WDR86: variants seen among roughly 807,000 people sequenced by gnomAD.
WDR86 encodes the protein WD repeat domain 86, also known as WD repeat-containing protein 86.
A neutral mutation model predicts 36.5 loss-of-function variants in WDR86; 30 were observed. The observed-to-expected ratio is 0.82, with a 90% CI of 0.61 to 1.11. WDR86 has a LOEUF of 1.11. WDR86 is among the 50% of genes most tolerant of loss of function. The probability of loss-of-function intolerance (pLI) is 0.00; values close to 1 mark genes in which losing one functional copy is unlikely to be tolerated. For missense variants in WDR86, 545 were observed against 561.2 expected, an observed-to-expected ratio of 0.97 and a Z score of 0.29; for synonymous variants, 255 against 252.9, an observed-to-expected ratio of 1.01 and a Z score of -0.08.
At chr7:151,373,067 AG>A (rs1798034498), downstream of WDR86, among the ~76,000 whole-genome samples, 1 of 152,058 alleles carries the variant, frequency 6.6e-6, no homozygotes, top group Non-Finnish European at 1.5e-5. Flanking sequence ...CTAAGAGATG[AG>A]GCCGCTTTCC....
At chr7:151,394,478 G>C (rs1047487452) in intron 3 of WDR86, among the ~76,000 whole-genome samples, 24 of 152,354 alleles carry the variant, frequency 1.6e-4, no homozygotes, top group African/African-American at 5.8e-4. Flanking sequence ...AGCATCAGGT[G>C]CTGGTAGCAA....
chr7:151,404,330 G>A (rs904418200), intron 1 of WDR86, among the ~76,000 whole-genome samples: 13 of 152,176 alleles, frequency 8.5e-5, no homozygotes, highest in Non-Finnish European at 1.0e-4. Flanking sequence ...GGCCCACAGC[G>A]TTCAGGGTTC....
At chr7:151,376,571 G>A, downstream of WDR86, 1 of 1,473,768 alleles carries the variant, frequency 6.8e-7, no homozygotes, top group Admixed American at 2.0e-5. Context: ...CACTCGTATG[G>A]CTGACGGGGG....
downstream of WDR86, among the ~76,000 whole-genome samples, chr7:151,379,904 G>A (rs1798471463): frequency 6.6e-6 from 1 of 151,614 alleles, no homozygotes; most frequent in African/African-American, 2.4e-5. Flanking sequence ...CTCAGGGCCG[G>A]CCGGCAGCAC....
chr7:151,373,543 G>A (rs1277473011), downstream of WDR86, among the ~76,000 whole-genome samples: 2 of 152,200 alleles, frequency 1.3e-5, no homozygotes, highest in Non-Finnish European at 2.9e-5. Flanking sequence ...TGTGGGTTCC[G>A]AATGGAATGA....
At chr7:151,393,362 T>C (rs1040467827) in intron 3 of WDR86, among the ~76,000 whole-genome samples, 14 of 152,152 alleles carry the variant, frequency 9.2e-5, no homozygotes, top group African/African-American at 3.1e-4. Flanking sequence ...TTCCTGACTC[T>C]CTGCCAGGAC....
In WDR86 at chr7:151,388,525, C is replaced by T. The variant is rs1799156666; in HGVS notation, c.727-3302G>A. Reference sequence around the variant, plus strand: ...TGGGTTTGTCGCTTAGAAGCAGGTCCTCACACCATCTCTGGCCCGACCCTC... The same window carrying T: ...TGGGTTTGTCGCTTAGAAGCAGGTCTTCACACCATCTCTGGCCCGACCCTC... On this transcript the variant is annotated intron_variant, in intron 3 of 5. Coordinates refer to ENST00000334493, the MANE Select transcript of WDR86 (RefSeq NM_198285.3). The surrounding 1 kb of genome is among the most constrained non-coding windows in gnomAD (Gnocchi z 4.2). Among the ~76,000 whole-genome samples, 1 of 152,208 alleles carries T rather than the reference C, an allele frequency of 6.6e-6. No individual in the cohort carries two copies. The highest frequency in any genetic ancestry group is 2.4e-5 in the African/African-American group (1 of 41,456).
Position 151,381,226 on chromosome 7 carries a change from T to A in WDR86, c.*356A>T. ...GTGGCTTCTGTAAAAAGTCACTTCCTCTCAGCAGGAAAGGCCCAGTTTCGT... is the reference window on the plus strand; with the variant it reads ...GTGGCTTCTGTAAAAAGTCACTTCCACTCAGCAGGAAAGGCCCAGTTTCGT... On this transcript the variant is annotated 3_prime_UTR_variant, in exon 6 of 6. Transcript: ENST00000334493. This position sits in a 1 kb window ranked among gnomAD's most constrained non-coding sequence, Gnocchi z 4.8. 1 of 1,278,070 alleles carries A rather than the reference T, an allele frequency of 7.8e-7. No individual in the cohort carries two copies. The highest frequency in any genetic ancestry group is 9.8e-7 in the Non-Finnish European group (1 of 1,016,348). 79.2% of individuals were successfully genotyped at this position (1,278,070 alleles called of 1,614,324 possible).
chr7:151,379,497 C>G (rs566929765), downstream of WDR86, among the ~76,000 whole-genome samples: 3 of 152,210 alleles, frequency 2.0e-5, no homozygotes, highest in East Asian at 5.8e-4. Flanking sequence ...CATAGCAAGG[C>G]GACAGTGGTG....
At chr7:151,386,684 C>T (rs1202212391) in intron 3 of WDR86, among the ~76,000 whole-genome samples, 1 of 152,168 alleles carries the variant, frequency 6.6e-6, no homozygotes, top group Non-Finnish European at 1.5e-5. Flanking sequence ...ACAAATGGAC[C>T]TTCCTGAGCC....
At chr7:151,408,619 C>T (rs1800921635) in intron 1 of WDR86, 2 of 261,788 alleles carry the variant, frequency 7.6e-6, no homozygotes, top group South Asian at 9.1e-5. Context: ...GAAAAGCCCG[C>T]GGTGATAAAG....
intron 1 of WDR86, among the ~76,000 whole-genome samples, chr7:151,402,506 G>A (rs1800415747): frequency 6.6e-6 from 1 of 152,214 alleles, no homozygotes; most frequent in African/African-American, 2.4e-5. Context: ...CACCCCACTG[G>A]CAGCGGCTGG....
downstream of WDR86, among the ~76,000 whole-genome samples, chr7:151,372,750 A>G (rs1584971967): frequency 6.6e-6 from 1 of 152,134 alleles, no homozygotes; most frequent in African/African-American, 2.4e-5. Context: ...GCTTTCAGGT[A>G]GGTGACTGGA....
chr7:151,409,624 G>A lies in WDR86; in HGVS notation c.-35C>T. The A allele has an allele frequency of 7.4e-7, 1 of 1,348,156 alleles. No homozygotes were observed. The highest frequency in any genetic ancestry group is 9.5e-7 in the Non-Finnish European group (1 of 1,054,504). The allele number at this position is 1,348,156 out of a possible 1,614,324, so 83.5% of individuals were successfully genotyped here. On this transcript the variant is annotated 5_prime_UTR_variant, in exon 1 of 6. Transcript: ENST00000334493. This position sits in a 1 kb window ranked among gnomAD's most constrained non-coding sequence, Gnocchi z 5.2. ...AGGGCGGGGAACAAGAAGGAGCTGC[G>A]CCCCGCTAGGGAGGGGCGCCCCGGG...
At chr7:151,374,273 G>A (rs1401955380), downstream of WDR86, 14 of 1,550,154 alleles carry the variant, frequency 9.0e-6, no homozygotes, top group Non-Finnish European at 1.2e-5. Flanking sequence ...CTCTGGCCTT[G>A]TCCCTGAGCA....
intron 4 of WDR86, among the ~76,000 whole-genome samples, 182 bp downstream of exon 4, chr7:151,384,906 A>C (rs868839641): frequency 6.6e-6 from 1 of 152,214 alleles, no homozygotes; most frequent in Non-Finnish European, 1.5e-5. Flanking sequence ...CCAAACCCTT[A>C]TTTGCACCTT....
Position 151,395,792 on chromosome 7 carries a change from G to A in WDR86, c.710C>T (p.Ser237Phe). 6.4e-7 allele frequency: 1 copy of A among 1,561,272 alleles called. No individual in the cohort carries two copies. The highest frequency in any genetic ancestry group is 1.9e-5 in the Admixed American group (1 of 52,696). ...CAGTCTCACCTCCAGACAGATGACG[G>A]AGCCCCGGTGCTCCCGGAACACCCG... Reference protein sequence around the residue: ...QLRVFREHRGSVICLELVNRL... With the variant: ...QLRVFREHRGFVICLELVNRL... The change falls in exon 3 of 6, where the codon TCC (serine) becomes TTC (phenylalanine). Residue 237 changes from serine (S) to phenylalanine (F), a missense_variant. Transcript: ENST00000334493.
At position 151,409,788 on chromosome 7, in the gene WDR86, C is replaced by T. The variant is rs913177224; in HGVS notation, c.-199G>A. On this transcript the variant is annotated 5_prime_UTR_variant, in exon 1 of 6. Coordinates refer to ENST00000334493, the MANE Select transcript of WDR86 (RefSeq NM_198285.3). The surrounding 1 kb of genome is among the most constrained non-coding windows in gnomAD (Gnocchi z 5.2). ...GCCTCCAGCCTCTGGGCCCGCGAAC[C>T]CAGGGCGCTGCGGGGGGCGGCCCAC... 5 of 1,267,620 alleles carry T rather than the reference C, an allele frequency of 3.9e-6. No individual in the cohort carries two copies. The highest frequency in any genetic ancestry group is 3.1e-5 in the African/African-American group (2 of 64,162). 78.5% of individuals were successfully genotyped at this position (1,267,620 alleles called of 1,614,324 possible). A position where few individuals can be genotyped will look rare whatever the true frequency, so the allele number is the denominator to read the frequency against.
chr7:151,373,835 G>T (rs1798075184), downstream of WDR86, among the ~76,000 whole-genome samples: 1 of 152,206 alleles, frequency 6.6e-6, no homozygotes, highest in African/African-American at 2.4e-5. Context: ...GTGGATGGCG[G>T]GGCTGGCGAG....
Sources: gnomAD v4.1 joint callset for allele counts (sites outside exome capture counted in the v4.1 genomes callset) on GRCh38, gnomAD v4.1.1 for gene constraint, Gnocchi (gnomAD v3.1) non-coding constraint, MANE v1.5 for transcripts, NCBI Gene and HGNC (gene_info 2026-07-23, HGNC 2026-07-21) for gene names.